Variants in CTNNA1 observed in about 807,000 individuals in gnomAD.
CTNNA1 encodes the protein catenin alpha-1.
A neutral mutation model predicts 98.4 loss-of-function variants in CTNNA1; 37 were observed. The observed-to-expected ratio is 0.38, with a 90% confidence interval of 0.29 to 0.49. The LOEUF (loss-of-function observed/expected upper bound fraction) is 0.49, where lower values mean the gene tolerates loss of function less well. Among genes scored for constraint, CTNNA1 ranks in the 20% least tolerant of loss-of-function variants. The probability of loss-of-function intolerance (pLI) is 0.95; values close to 1 mark genes in which losing one functional copy is unlikely to be tolerated. For missense variants in CTNNA1, 761 were observed against 1,147.2 expected (o/e 0.66, Z 4.86); for synonymous variants, 404 against 413.2 (o/e 0.98, Z 0.27).
intron 3 of CTNNA1, among the ~76,000 whole-genome samples, chr5:138,796,543 C>CAA (rs142596986): frequency 2.5e-5 from 1 of 40,078 alleles, no homozygotes; most frequent in Non-Finnish European, 4.9e-5. Context: ...GACTCCGTCT[C>CAA]AAAAAAAAAA....
Position 138,776,722 on chromosome 5 carries a change from G to A in CTNNA1, c.-2-5201G>A, listed in dbSNP as rs563306150. ...GACGGGGCGGCTGGCCGGGCAGAGG[G>A]GCTCCTCACTTCCCAGTAGGGGCGG... On this transcript the variant is annotated intron_variant, in intron 1 of 17. Coordinates refer to ENST00000302763, the MANE Select transcript of CTNNA1 (RefSeq NM_001903.5). 7.4e-5 allele frequency among the ~76,000 whole-genome samples: 11 copies of A among 149,478 alleles called. No homozygotes were observed. The South Asian group carries it at 1.9e-3, about 26-fold the overall frequency.
At chr5:138,875,033 T>C (rs1751187469) in intron 7 of CTNNA1, 4 of 971,538 alleles carry the variant, frequency 4.1e-6, no homozygotes, top group Non-Finnish European at 6.3e-6. Context: ...GTCCCAGGCT[T>C]TCCAAGTAAA....
chr5:138,765,017 G>A (rs1346029834), intron 1 of CTNNA1, among the ~76,000 whole-genome samples: 2 of 151,788 alleles, frequency 1.3e-5, no homozygotes, highest in Non-Finnish European at 2.9e-5. Flanking sequence ...GGGATTACAG[G>A]TGCCTGCCAC....
intron 3 of CTNNA1, among the ~76,000 whole-genome samples, chr5:138,805,762 A>T (rs904660954): frequency 4.0e-5 from 6 of 151,618 alleles, no homozygotes; most frequent in African/African-American, 1.5e-4. Context: ...AAAAAAAAAA[A>T]TTATTTAGTA....
intron 1 of CTNNA1, among the ~76,000 whole-genome samples, chr5:138,769,141 C>T (rs1753251653): frequency 6.6e-6 from 1 of 152,060 alleles, no homozygotes. Flanking sequence ...GATCCTCCCG[C>T]CTTGGCCTCC....
At chr5:138,852,871 G>GCACACACACACGCGCGCGCGCA (rs56929645) in intron 7 of CTNNA1, among the ~76,000 whole-genome samples, 86 of 151,356 alleles carry the variant, frequency 5.7e-4, no homozygotes, top group African/African-American at 1.9e-3. Context: ...GCGCGCGCGC[G>GCACACACACACGCGCGCGCGCA]CACACACACA....
At chr5:138,868,549 C>T (rs559307223) in intron 7 of CTNNA1, among the ~76,000 whole-genome samples, 1 of 152,308 alleles carries the variant, frequency 6.6e-6, no homozygotes, top group Admixed American at 6.5e-5. Flanking sequence ...CTTTCCGAAG[C>T]TCTCTGTGGT....
At chr5:138,821,912 T>C (rs539375237) in intron 5 of CTNNA1, among the ~76,000 whole-genome samples, 1 of 152,356 alleles carries the variant, frequency 6.6e-6, no homozygotes, top group African/African-American at 2.4e-5. Flanking sequence ...TTTTAATCAT[T>C]ATTCTTATTA....
At chr5:138,818,654 T>C (rs1414545128) in intron 5 of CTNNA1, among the ~76,000 whole-genome samples, 2 of 152,202 alleles carry the variant, frequency 1.3e-5, no homozygotes, top group East Asian at 3.8e-4. Flanking sequence ...CTCAGTTGCC[T>C]AGGCTGTAGA....
At chr5:138,916,664 A>G (rs1223956037) in intron 10 of CTNNA1, among the ~76,000 whole-genome samples, 1 of 152,126 alleles carries the variant, frequency 6.6e-6, no homozygotes, top group Non-Finnish European at 1.5e-5. Flanking sequence ...CTGGGACTAC[A>G]GGTGTGTGCC....
intron 1 of CTNNA1, among the ~76,000 whole-genome samples, chr5:138,776,854 A>C: frequency 2.7e-5 from 2 of 74,678 alleles, no homozygotes; most frequent in African/African-American, 1.1e-4. Flanking sequence ...GGGGGGGCTG[A>C]CTCCCCCACC....
At chr5:138,815,221 GTTTT>G (rs143597096) in intron 5 of CTNNA1, among the ~76,000 whole-genome samples, 6 of 150,390 alleles carry the variant, frequency 4.0e-5, no homozygotes, top group Admixed American at 2.7e-4. Context: ...TTTTTCATGT[GTTTT>G]TTTTTGAAAG....
intron 9 of CTNNA1, among the ~76,000 whole-genome samples, chr5:138,902,232 T>C (rs992293724): frequency 6.6e-6 from 1 of 152,200 alleles, no homozygotes. Context: ...ACGTAATCTT[T>C]TGCTTCTTTT....
intron 9 of CTNNA1, among the ~76,000 whole-genome samples, chr5:138,900,189 T>C (rs1277539020): frequency 6.6e-6 from 1 of 152,234 alleles, no homozygotes; most frequent in Admixed American, 6.5e-5. Context: ...TTTTGACTTT[T>C]AGACATTCAG....
chr5:138,791,425 T>C (rs1226142660), intron 3 of CTNNA1, among the ~76,000 whole-genome samples: 6 of 151,928 alleles, frequency 3.9e-5, no homozygotes, highest in Non-Finnish European at 7.4e-5. Flanking sequence ...AAGACCCTCC[T>C]GGCCAACATG....
intron 1 of CTNNA1, chr5:138,754,079 C>T (rs1288289479): frequency 1.3e-5 from 2 of 152,330 alleles, no homozygotes; most frequent in Admixed American, 6.5e-5. Context: ...CCGGGCTTCT[C>T]CCATACAGCT....
intron 3 of CTNNA1, among the ~76,000 whole-genome samples, chr5:138,786,013 C>T (rs1356469710): frequency 2.6e-5 from 4 of 152,078 alleles, no homozygotes; most frequent in African/African-American, 9.7e-5. Flanking sequence ...ATATACATTC[C>T]CTGCTCCCCA....
In CTNNA1 at chr5:138,782,243, G is replaced by T. The variant is rs28363384; in HGVS notation, c.105+214G>T. Reference sequence around the variant, plus strand: ...TTTCTTCAGTCTTATTGCTAGTAACGGGTCCATGGTATGTAGTGCAACTTT... The same window carrying T: ...TTTCTTCAGTCTTATTGCTAGTAACTGGTCCATGGTATGTAGTGCAACTTT... On this transcript the variant is annotated intron_variant, in intron 2 of 17. Transcript: ENST00000302763. 2.5e-4 allele frequency: 156 copies of T among 629,198 alleles called. 1 individual carries two copies. In the African/African-American group the frequency reaches 2.5e-3, roughly 10 times the overall value. The allele number at this position is 629,198 out of a possible 1,614,324, so 39.0% of individuals were successfully genotyped here. A position where few individuals can be genotyped will look rare whatever the true frequency, so the allele number is the denominator to read the frequency against.
intron 10 of CTNNA1, among the ~76,000 whole-genome samples, chr5:138,910,747 G>T (rs1303277461): frequency 6.6e-6 from 1 of 152,162 alleles, no homozygotes; most frequent in African/African-American, 2.4e-5. Flanking sequence ...AACCACGGAG[G>T]ATGTCTCAGG....
Sources: allele counts gnomAD v4.1 joint callset (sites outside exome capture counted in the v4.1 genomes callset), GRCh38; gene constraint gnomAD v4.1.1; transcripts MANE v1.5; gene names NCBI Gene and HGNC (gene_info 2026-07-23, HGNC 2026-07-21).